NSUN6: variants seen among roughly 807,000 people sequenced by gnomAD.
NSUN6 encodes NOP2/Sun RNA methyltransferase 6.
A neutral mutation model predicts 58.0 loss-of-function variants in NSUN6; 64 were observed. The ratio of observed to expected loss-of-function variants is 1.10; its 90% CI spans 0.90 to 1.36. The LOEUF is 1.36. NSUN6 is among the 40% of genes most tolerant of loss of function. The pLI, the probability that NSUN6 is intolerant of heterozygous loss-of-function variation, is 0.00. For missense variants in NSUN6, 701 were observed against 550.1 expected (o/e 1.27, Z -2.74); for synonymous variants, 231 against 193.9 (o/e 1.19, Z -1.59).
chr10:18,552,246 C>G (rs1288243491), intron 8 of NSUN6, among the ~76,000 whole-genome samples: 1 of 152,086 alleles, frequency 6.6e-6, no homozygotes, highest in African/African-American at 2.4e-5. Flanking sequence ...CCCCAAACTT[C>G]AGAAGCCACA....
At chr10:18,608,569 G>A (rs1028304290) in intron 6 of NSUN6, among the ~76,000 whole-genome samples, 6 of 147,046 alleles carry the variant, frequency 4.1e-5, no homozygotes, top group African/African-American at 1.2e-4. Context: ...AGCCTGGGAG[G>A]TCAAGGCTGC....
At position 18,611,894 on chromosome 10, in the gene NSUN6, C is replaced by T. The variant is rs555928636; in HGVS notation, c.576-1968G>A. Among the ~76,000 whole-genome samples the T allele has an allele frequency of 3.3e-5, 5 of 152,268 alleles. No individual in the cohort carries two copies. In the South Asian group the frequency reaches 1.0e-3, roughly 32 times the overall value. ...CGCCCTCAGTTCTAACAGCATTTAGCATACAATAAATGCTGACTCCTTTTC... is the reference window on the plus strand; with the variant it reads ...CGCCCTCAGTTCTAACAGCATTTAGTATACAATAAATGCTGACTCCTTTTC... On this transcript the variant is annotated intron_variant, in intron 5 of 10. Transcript: ENST00000377304.
chr10:18,638,959 A>C (rs1303415814), intron 3 of NSUN6, among the ~76,000 whole-genome samples: 5 of 150,662 alleles, frequency 3.3e-5, no homozygotes, highest in Admixed American at 3.3e-4. Context: ...AAAAAAAAAA[A>C]AAAAAAAAAA....
chr10:18,597,322 GTTAC>G (rs1214876909), intron 6 of NSUN6, among the ~76,000 whole-genome samples: 27 of 152,212 alleles, frequency 1.8e-4, no homozygotes, highest in African/African-American at 6.5e-4. Flanking sequence ...TAAGCATGGA[GTTAC>G]TTGTTTGGTT....
At chr10:18,649,185 A>T (rs1215529777) in intron 1 of NSUN6, among the ~76,000 whole-genome samples, 1 of 152,234 alleles carries the variant, frequency 6.6e-6, no homozygotes, top group Non-Finnish European at 1.5e-5. Context: ...TATTAAATGT[A>T]ACAAATATAT....
At chr10:18,582,095 T>G (rs1215510908) in intron 8 of NSUN6, among the ~76,000 whole-genome samples, 1 of 152,164 alleles carries the variant, frequency 6.6e-6, no homozygotes, top group Non-Finnish European at 1.5e-5. Context: ...CCAGTTAAAC[T>G]TCCAAGACCT....
intron 8 of NSUN6, among the ~76,000 whole-genome samples, chr10:18,566,528 T>C (rs1181169198): frequency 1.3e-5 from 2 of 149,474 alleles, no homozygotes; most frequent in African/African-American, 4.9e-5. Flanking sequence ...CACTCCATTC[T>C]ACATTCCTGT....
chr10:18,648,720 T>C, intron 1 of NSUN6, 75 bp from the exon 2 acceptor site: 2 of 797,536 alleles, frequency 2.5e-6, no homozygotes, highest in Non-Finnish European at 4.1e-6. Flanking sequence ...ATTAATTCCA[T>C]CTAATGAAAC....
intron 3 of NSUN6, among the ~76,000 whole-genome samples, chr10:18,622,972 G>A (rs1327859911): frequency 1.3e-5 from 2 of 152,148 alleles, no homozygotes; most frequent in Non-Finnish European, 2.9e-5. Flanking sequence ...TTTAGAAAAC[G>A]CTGGTTGAGA....
chr10:18,639,238 T>C (rs1183480961), intron 3 of NSUN6, among the ~76,000 whole-genome samples: 1 of 152,172 alleles, frequency 6.6e-6, no homozygotes, highest in Non-Finnish European at 1.5e-5. Flanking sequence ...CTCACACCTG[T>C]AATCCCAGCA....
intron 6 of NSUN6, among the ~76,000 whole-genome samples, chr10:18,600,959 T>C (rs11015078): frequency 0.017 from 1,106 of 63,718 alleles, 28 homozygotes; most frequent in Middle Eastern, 0.043. Flanking sequence ...TATATATATA[T>C]ACATATATAT....
At chr10:18,555,130 A>C (rs760574454) in intron 8 of NSUN6, among the ~76,000 whole-genome samples, 13 of 150,770 alleles carry the variant, frequency 8.6e-5, no homozygotes, top group Non-Finnish European at 1.2e-4. Flanking sequence ...GAAATGGAGA[A>C]TGTAATGTAA....
At chr10:18,599,732 C>T (rs1336624034) in intron 6 of NSUN6, among the ~76,000 whole-genome samples, 2 of 152,114 alleles carry the variant, frequency 1.3e-5, no homozygotes, top group African/African-American at 4.8e-5. Context: ...ATTGAATGCT[C>T]CCTAGATTGT....
intron 7 of NSUN6, among the ~76,000 whole-genome samples, chr10:18,593,834 C>G (rs2057471593): frequency 6.6e-6 from 1 of 151,332 alleles, no homozygotes; most frequent in Non-Finnish European, 1.5e-5. Flanking sequence ...TGTAACAAAC[C>G]TGCACATTCT....
chr10:18,640,721 AT>A (rs2059366214), intron 3 of NSUN6, among the ~76,000 whole-genome samples: 1 of 152,172 alleles, frequency 6.6e-6, no homozygotes, highest in Non-Finnish European at 1.5e-5. Context: ...CAAACTAAAC[AT>A]TTAAGATCTC....
chr10:18,635,596 G>A (rs1241113547), intron 3 of NSUN6, among the ~76,000 whole-genome samples: 2 of 152,064 alleles, frequency 1.3e-5, no homozygotes, highest in East Asian at 3.9e-4. Context: ...CAGTACTTTG[G>A]GAAGCCAAGG....
chr10:18,651,610 AT>A, upstream of NSUN6: 1 of 986,580 alleles, frequency 1.0e-6, no homozygotes, highest in Non-Finnish European at 1.2e-6. Context: ...CGCGCCCCCT[AT>A]TTCTCGGCGG....
intron 6 of NSUN6, among the ~76,000 whole-genome samples, chr10:18,600,055 C>T (rs1006124992): frequency 3.9e-5 from 6 of 152,076 alleles, no homozygotes; most frequent in Admixed American, 2.6e-4. Flanking sequence ...ATGTAAGATG[C>T]TAAAATTAAA....
chr10:18,568,907 CTCCAT>C (rs2056164120), intron 8 of NSUN6, among the ~76,000 whole-genome samples: 1 of 150,218 alleles, frequency 6.7e-6, no homozygotes. Context: ...CCATTCTACT[CTCCAT>C]TCCATTCCAT....
Sources: allele counts gnomAD v4.1 joint callset (sites outside exome capture counted in the v4.1 genomes callset), GRCh38; gene constraint gnomAD v4.1.1; transcripts MANE v1.5; gene names NCBI Gene and HGNC (gene_info 2026-07-23, HGNC 2026-07-21).